The following ZSCAN25 variants were observed in gnomAD, a reference collection of about 807,000 sequenced individuals.
ZSCAN25 encodes zinc finger and SCAN domain containing 25.
ZSCAN25 carries 27 observed loss-of-function variants against 38.7 expected under a neutral mutation model. That is an observed-to-expected ratio of 0.70 (90% confidence interval 0.51 to 0.96). The LOEUF (loss-of-function observed/expected upper bound fraction) is 0.96. Ranked by LOEUF, ZSCAN25 falls within the 40% of genes least tolerant of loss-of-function variation. The pLI, the probability that ZSCAN25 is intolerant of heterozygous loss-of-function variation, is 0.00. For synonymous variants in ZSCAN25, 273 were observed against 277.7 expected (o/e 0.98, Z 0.17); for missense variants, 637 against 705.9 (o/e 0.90, Z 1.11).
At chr7:99,719,466 AAAT>A in the ZSCAN25 span, among the ~76,000 whole-genome samples, 1 of 152,244 alleles carries the variant, frequency 6.6e-6, no homozygotes, top group Admixed American at 6.5e-5. Flanking sequence ...CTTATACAAA[AAAT>A]AACACAAAAT....
the ZSCAN25 span, among the ~76,000 whole-genome samples, chr7:99,658,208 A>G: frequency 8.5e-5 from 13 of 152,306 alleles, no homozygotes; most frequent in East Asian, 2.5e-3. Context: ...ATGTTTTTGC[A>G]GTGGCTGGTA....
chr7:99,645,616 G>T, the ZSCAN25 span, among the ~76,000 whole-genome samples: 1 of 151,914 alleles, frequency 6.6e-6, no homozygotes, highest in African/African-American at 2.4e-5. Flanking sequence ...TGCCACACCT[G>T]TTATTTTTTG....
At chr7:99,695,720 CAA>C in the ZSCAN25 span, 49 of 1,594,176 alleles carry the variant, frequency 3.1e-5, no homozygotes, top group Non-Finnish European at 4.2e-5. Flanking sequence ...CATAAGAAGC[CAA>C]AGAGTGAGCT....
At chr7:99,688,086 A>T in the ZSCAN25 span, among the ~76,000 whole-genome samples, 1 of 152,256 alleles carries the variant, frequency 6.6e-6, no homozygotes, top group Non-Finnish European at 1.5e-5. Flanking sequence ...GGTAAAGACC[A>T]TCAAGGCTAG....
the ZSCAN25 span, among the ~76,000 whole-genome samples, chr7:99,716,519 T>TA: frequency 7.8e-4 from 119 of 152,122 alleles, 1 homozygote; most frequent in Non-Finnish European, 1.2e-3. Context: ...ATGTCCTGGT[T>TA]AAAAAAAACT....
At chr7:99,635,555 A>G (rs1261774989), downstream of ZSCAN25, among the ~76,000 whole-genome samples, 2 of 152,166 alleles carry the variant, frequency 1.3e-5, no homozygotes. Context: ...AGTTTTCCAA[A>G]TTTCAAATAT....
the ZSCAN25 span, among the ~76,000 whole-genome samples, chr7:99,683,887 G>C: frequency 2.0e-5 from 3 of 152,132 alleles, no homozygotes; most frequent in African/African-American, 4.8e-5. Context: ...TTTAGGATAA[G>C]TTACTCAGGA....
At position 99,631,517 on chromosome 7, in the gene ZSCAN25, C is replaced by T. The variant is rs965445297; in HGVS notation, c.*1497C>T. 2 of 985,328 alleles carry T rather than the reference C, an allele frequency of 2.0e-6. No individual in the cohort carries two copies. The highest frequency in any genetic ancestry group is 3.5e-5 in the African/African-American group (2 of 57,188). The allele number at this position is 985,328 out of a possible 1,614,324, so 61.0% of individuals were successfully genotyped here. On this transcript the variant is annotated 3_prime_UTR_variant, in exon 8 of 8. Coordinates refer to ENST00000394152, the MANE Select transcript of ZSCAN25 (RefSeq NM_145115.3). Reference sequence around the variant, plus strand: ...GTGTCATTGTGCTGTGCCTTTGAACCCTGGCTGAGTGAGTGAGTTTGTCCT... The same window carrying T: ...GTGTCATTGTGCTGTGCCTTTGAACTCTGGCTGAGTGAGTGAGTTTGTCCT...
chr7:99,635,340 C>A (rs1434618950), downstream of ZSCAN25, among the ~76,000 whole-genome samples: 1 of 152,094 alleles, frequency 6.6e-6, no homozygotes, highest in Non-Finnish European at 1.5e-5. Flanking sequence ...TTTATAAATT[C>A]ACATAAATAC....
chr7:99,646,797 TACACACACAC>T, the ZSCAN25 span, among the ~76,000 whole-genome samples: 138 of 142,170 alleles, frequency 9.7e-4, no homozygotes, highest in African/African-American at 3.1e-3. Context: ...ATATGTTTTA[TACACACACAC>T]ACACACACAC....
chr7:99,729,249 A>T, the ZSCAN25 span, among the ~76,000 whole-genome samples: 1 of 152,140 alleles, frequency 6.6e-6, no homozygotes, highest in Non-Finnish European at 1.5e-5. Context: ...ATCACCAATT[A>T]TTCTATACAA....
At chr7:99,666,578 C>T in the ZSCAN25 span, 10 of 1,611,268 alleles carry the variant, frequency 6.2e-6, no homozygotes, top group African/African-American at 1.3e-4. Context: ...AGCTCAGAAC[C>T]CCATGGCTGT....
Position 99,629,956 on chromosome 7 carries a change from AC to A in ZSCAN25, c.1573del (p.Gln525ArgfsTer86). The A allele has an allele frequency of 6.2e-7, 1 of 1,611,982 alleles. No individual in the cohort carries two copies. The highest frequency in any genetic ancestry group is 8.5e-7 in the Non-Finnish European group (1 of 1,178,910). ...TGTCCTGCCTGCGGGCGAAGCTTCA[AC>A]CAGAGGTCCATCCTCAACCGGCACC... ...YHCPACGRSF[N>X]QRSILNRHQK... On this transcript the variant is annotated frameshift_variant, in exon 8 of 8. Coordinates refer to ENST00000394152, the MANE Select transcript of ZSCAN25 (RefSeq NM_145115.3). LOFTEE classifies it high-confidence loss of function. The surrounding 1 kb of genome is among the most constrained non-coding windows in gnomAD (Gnocchi z 5.6).
rs1807851450 is a variant in ZSCAN25, at chr7:99,629,893, G to A, written c.1508G>A (p.Arg503Gln). 3 of 1,614,188 alleles carry A rather than the reference G, an allele frequency of 1.9e-6. No individual in the cohort carries two copies. Among genetic ancestry groups the A allele is most frequent in the Middle Eastern group, 1.6e-4 (1 of 6,062 alleles). ...KRFSKGERLV[R>Q]HQRIHTGEKP... ...TTCAGCAAAGGGGAGCGGCTGGTCC[G>A]ACACCAGAGAATCCATACAGGGGAG... The change falls in exon 8 of 8, where the codon CGA (arginine) becomes CAA (glutamine). Residue 503 changes from arginine to glutamine, a missense_variant. Coordinates refer to ENST00000394152, the MANE Select transcript of ZSCAN25 (RefSeq NM_145115.3). The surrounding 1 kb of genome is among the most constrained non-coding windows in gnomAD (Gnocchi z 5.6).
chr7:99,652,494 C>A, the ZSCAN25 span: 3 of 1,109,586 alleles, frequency 2.7e-6, no homozygotes, highest in Non-Finnish European at 3.9e-6. Context: ...TTAAGAGAGG[C>A]AGAATATGCT....
chr7:99,651,850 A>C, the ZSCAN25 span, among the ~76,000 whole-genome samples: 1 of 152,178 alleles, frequency 6.6e-6, no homozygotes, highest in Admixed American at 6.5e-5. Flanking sequence ...GTCTACTGAG[A>C]GTATAAGGGA....
At chr7:99,710,705 C>T in the ZSCAN25 span, 6 of 1,613,670 alleles carry the variant, frequency 3.7e-6, no homozygotes, top group East Asian at 2.2e-5. Flanking sequence ...CACCTCCTCC[C>T]TCCTTCTCCA....
chr7:99,731,210 TG>T, the ZSCAN25 span: 1 of 1,600,050 alleles, frequency 6.2e-7, no homozygotes, highest in Non-Finnish European at 8.6e-7. Context: ...ATATAGGGGC[TG>T]GTGAGTCACT....
At position 99,632,227 on chromosome 7, in the gene ZSCAN25, G is replaced by T. The variant is rs976925454; in HGVS notation, c.*2207G>T. The T allele has an allele frequency of 8.1e-6, 8 of 985,210 alleles. No homozygotes were observed. Among genetic ancestry groups the T allele is most frequent in the East Asian group, 1.1e-4 (1 of 8,812 alleles). 61.0% of individuals were successfully genotyped at this position (985,210 alleles called of 1,614,324 possible). A position where few individuals can be genotyped will look rare whatever the true frequency, so the allele number is the denominator to read the frequency against. On this transcript the variant is annotated 3_prime_UTR_variant, in exon 8 of 8. Coordinates refer to ENST00000394152, the MANE Select transcript of ZSCAN25 (RefSeq NM_145115.3). ...TCTCAGAAAAGCCTCTAAGTAGGGG[G>T]TTTTTCCCATGGGATTGTGGTAGTC...
Sources: gnomAD v4.1 joint callset for allele counts (sites outside exome capture counted in the v4.1 genomes callset) on GRCh38, gnomAD v4.1.1 for gene constraint, Gnocchi (gnomAD v3.1) non-coding constraint, MANE v1.5 for transcripts, NCBI Gene and HGNC (gene_info 2026-07-23, HGNC 2026-07-21) for gene names.